Variants in ARHGEF28 observed in about 807,000 individuals in gnomAD.
ARHGEF28 encodes the protein 190 kDa guanine nucleotide exchange factor.
Under a neutral mutation model 206.6 loss-of-function variants are expected in ARHGEF28, and 152 were observed. The ratio of observed to expected loss-of-function variants is 0.74; its 90% CI spans 0.64 to 0.84. The LOEUF is 0.84. Among genes scored for constraint, ARHGEF28 ranks in the 40% least tolerant of loss-of-function variants. ARHGEF28 has a pLI of 0.00. For missense variants in ARHGEF28, 2,028 were observed against 2,073.2 expected (o/e 0.98, Z 0.42); for synonymous variants, 763 against 776.4 (o/e 0.98, Z 0.29).
chr5:73,637,123 A>G (rs1361996830), intron 1 of ARHGEF28, among the ~76,000 whole-genome samples: 1 of 152,262 alleles, frequency 6.6e-6, no homozygotes, highest in East Asian at 1.9e-4. Context: ...TTTAGGATGA[A>G]TGAAAATGGG....
At chr5:73,721,464 G>C (rs531266503) in intron 2 of ARHGEF28, among the ~76,000 whole-genome samples, 1 of 152,288 alleles carries the variant, frequency 6.6e-6, no homozygotes, top group East Asian at 1.9e-4. Flanking sequence ...CCTGGGTTTG[G>C]GCTACTGGTC....
intron 1 of ARHGEF28, among the ~76,000 whole-genome samples, chr5:73,631,495 T>A (rs1743362646): frequency 6.6e-6 from 1 of 152,204 alleles, no homozygotes; most frequent in African/African-American, 2.4e-5. Flanking sequence ...AGCCCTGTTG[T>A]TCACTGGAAC....
At chr5:73,875,046 G>C (rs1320877815) in intron 22 of ARHGEF28, among the ~76,000 whole-genome samples, 3 of 150,974 alleles carry the variant, frequency 2.0e-5, no homozygotes, top group Non-Finnish European at 4.4e-5. Flanking sequence ...CAGTGTAAAA[G>C]TGTTCCCATT....
At chr5:73,907,036 T>C (rs562378560) in intron 33 of ARHGEF28, among the ~76,000 whole-genome samples, 13 of 152,366 alleles carry the variant, frequency 8.5e-5, no homozygotes, top group Non-Finnish European at 1.3e-4. Context: ...TTTGAAAATG[T>C]GTTAAATCAC....
intron 1 of ARHGEF28, among the ~76,000 whole-genome samples, chr5:73,654,823 C>CT (rs534321903): frequency 4.6e-5 from 7 of 151,940 alleles, no homozygotes; most frequent in East Asian, 1.9e-4. Context: ...GTTACCACTC[C>CT]TTTTTTTTCT....
intron 3 of ARHGEF28, among the ~76,000 whole-genome samples, chr5:73,752,114 A>C (rs778412183): frequency 6.6e-6 from 1 of 152,224 alleles, no homozygotes; most frequent in Non-Finnish European, 1.5e-5. Context: ...TTCTCTGTCC[A>C]GTCATGATTA....
chr5:73,726,243 AG>A (rs1561359930), intron 2 of ARHGEF28, among the ~76,000 whole-genome samples: 2 of 152,208 alleles, frequency 1.3e-5, no homozygotes. Flanking sequence ...CAAAATGACA[AG>A]GAAGTCCTTT....
chr5:73,651,688 A>G (rs1370085280), intron 1 of ARHGEF28, among the ~76,000 whole-genome samples: 5 of 152,222 alleles, frequency 3.3e-5, no homozygotes, highest in Admixed American at 2.6e-4. Context: ...ATGTTATTAA[A>G]TGCCCTTTAA....
intron 1 of ARHGEF28, among the ~76,000 whole-genome samples, chr5:73,629,966 TG>T (rs1476835455): frequency 1.3e-5 from 2 of 152,166 alleles, no homozygotes; most frequent in Admixed American, 1.3e-4. Context: ...AAATCAGCAG[TG>T]GTGGCTTTGC....
At chr5:73,693,900 T>C (rs1028856738) in intron 2 of ARHGEF28, among the ~76,000 whole-genome samples, 2 of 16,386 alleles carry the variant, frequency 1.2e-4, no homozygotes, top group Non-Finnish European at 1.9e-4. Context: ...GGCAAACAAA[T>C]TCCAAAGCAG....
chr5:73,668,057 A>G (rs1746076627), intron 1 of ARHGEF28, among the ~76,000 whole-genome samples: 2 of 152,182 alleles, frequency 1.3e-5, no homozygotes, highest in African/African-American at 2.4e-5. Flanking sequence ...GAGAAGATTT[A>G]TGCTCTCCAT....
At chr5:73,837,245 A>T (rs1419872554) in intron 10 of ARHGEF28, among the ~76,000 whole-genome samples, 1 of 152,008 alleles carries the variant, frequency 6.6e-6, no homozygotes, top group Non-Finnish European at 1.5e-5. Context: ...TCTGTAGTTC[A>T]CTTTGGGTAG....
chr5:73,801,838 A>C (rs1755152035), intron 9 of ARHGEF28, among the ~76,000 whole-genome samples: 1 of 152,160 alleles, frequency 6.6e-6, no homozygotes, highest in Admixed American at 6.5e-5. Flanking sequence ...CAAGAAGACC[A>C]CTGGGAAGGC....
chr5:73,886,135 C>T (rs1285878489), intron 25 of ARHGEF28, 31 bp downstream of exon 25: 1 of 1,575,054 alleles, frequency 6.3e-7, no homozygotes, highest in African/African-American at 1.4e-5. Flanking sequence ...CAATTTCTCC[C>T]TTCATACACA....
intron 2 of ARHGEF28, among the ~76,000 whole-genome samples, chr5:73,717,196 G>A (rs1266003581): frequency 6.6e-6 from 1 of 152,074 alleles, no homozygotes; most frequent in African/African-American, 2.4e-5. Context: ...CTTTGTAAAT[G>A]CAGGCCTGTT....
chr5:73,687,433 T>A (rs1292175945), intron 2 of ARHGEF28, among the ~76,000 whole-genome samples: 1 of 151,964 alleles, frequency 6.6e-6, no homozygotes, highest in African/African-American at 2.4e-5. Flanking sequence ...TTAATTTAAT[T>A]TAACATTTCT....
In ARHGEF28 at chr5:73,911,569, A is replaced by G. The variant is rs779798742; in HGVS notation, c.4942A>G (p.Lys1648Glu). Residue 1648 changes from lysine (K) to glutamate (E), a missense_variant, in exon 35 of 36, where the codon AAA becomes GAA. Physicochemically the swap from Lys to Glu is moderately conservative, Grantham distance 56 (BLOSUM62 1). Transcript: ENST00000513042. The part of the protein sequence containing the change: ...PFHESSKDSC[K>E]NDLDTSHTES... The stretch of plus-strand genomic sequence containing the variant: ...CCATGAAAGCAGCAAGGATTCTTGT[A>G]AAAATGGTAATTAACACTTTAAACA... 53 of 1,595,400 alleles carry G rather than the reference A, an allele frequency of 3.3e-5. No homozygotes were observed. Among genetic ancestry groups the G allele is most frequent in the Non-Finnish European group, 4.4e-5 (51 of 1,169,396 alleles).
At chr5:73,654,935 C>T (rs892924619) in intron 1 of ARHGEF28, among the ~76,000 whole-genome samples, 5 of 152,168 alleles carry the variant, frequency 3.3e-5, no homozygotes, top group African/African-American at 1.2e-4. Flanking sequence ...GTGCATTCAT[C>T]TGGTCTTTGG....
intron 2 of ARHGEF28, among the ~76,000 whole-genome samples, chr5:73,701,226 A>G (rs1748576547): frequency 6.6e-6 from 1 of 152,204 alleles, no homozygotes; most frequent in Non-Finnish European, 1.5e-5. Context: ...GGAACACCTT[A>G]TATGTCATTG....
Sources: gnomAD v4.1 joint callset for allele counts (sites outside exome capture counted in the v4.1 genomes callset) on GRCh38, gnomAD v4.1.1 for gene constraint, MANE v1.5 for transcripts, NCBI Gene and HGNC (gene_info 2026-07-23, HGNC 2026-07-21) for gene names.